The following ARHGAP39 variants were observed in gnomAD, a reference collection of about 807,000 sequenced individuals.
ARHGAP39 encodes the protein rho GTPase-activating protein 39.
A neutral mutation model predicts 106.9 loss-of-function variants in ARHGAP39; 44 were observed. The ratio of observed to expected loss-of-function variants is 0.41; its 90% CI spans 0.32 to 0.53. The LOEUF (loss-of-function observed/expected upper bound fraction) is 0.53, where lower values mean the gene tolerates loss of function less well. ARHGAP39 is among the 20% of genes least tolerant of loss of function. ARHGAP39 has a pLI of 0.21. For missense variants in ARHGAP39, 1,496 were observed against 1,577.3 expected, an observed-to-expected ratio of 0.95 and a Z score of 0.87; for synonymous variants, 768 against 693.2, an observed-to-expected ratio of 1.11 and a Z score of -1.69.
chr8:144,538,189 T>C (rs1586877830), intron 6 of ARHGAP39, among the ~76,000 whole-genome samples: 1 of 152,306 alleles, frequency 6.6e-6, no homozygotes, highest in East Asian at 1.9e-4. Flanking sequence ...TGCCTGCCGG[T>C]CAGAAAACCA....
At chr8:144,600,383 TGCGTGTGTGGAG>T (rs1179317505) in intron 2 of ARHGAP39, among the ~76,000 whole-genome samples, 2 of 150,330 alleles carry the variant, frequency 1.3e-5, no homozygotes, top group African/African-American at 4.9e-5. Flanking sequence ...GGTACCTACC[TGCGTGTGTGGAG>T]GCGTGTGTGT....
chr8:144,619,273 C>T (rs983057467), intron 1 of ARHGAP39, among the ~76,000 whole-genome samples: 2 of 152,256 alleles, frequency 1.3e-5, no homozygotes, highest in African/African-American at 4.8e-5. Context: ...GCTGGCGACG[C>T]CCGCCATAGA....
intron 1 of ARHGAP39, among the ~76,000 whole-genome samples, chr8:144,656,807 CAA>C (rs35058065): frequency 4.5e-4 from 19 of 42,338 alleles, no homozygotes; most frequent in African/African-American, 1.2e-3. Context: ...GACTCCATCT[CAA>C]AAAAAAAAAA....
chr8:144,600,273 T>C (rs1819807601), intron 2 of ARHGAP39, among the ~76,000 whole-genome samples: 1 of 146,692 alleles, frequency 6.8e-6, no homozygotes, highest in Admixed American at 6.8e-5. Flanking sequence ...GGGGTGTCTG[T>C]GTGCTCCTGT....
At chr8:144,541,820 G>A (rs541678781) in intron 6 of ARHGAP39, among the ~76,000 whole-genome samples, 2 of 152,192 alleles carry the variant, frequency 1.3e-5, no homozygotes, top group African/African-American at 4.8e-5. Flanking sequence ...TGAACGAGGT[G>A]TACAAATCAC....
At chr8:144,677,015 G>A (rs530691141) in intron 1 of ARHGAP39, among the ~76,000 whole-genome samples, 4 of 152,236 alleles carry the variant, frequency 2.6e-5, no homozygotes, top group Admixed American at 6.5e-5. Flanking sequence ...TGATCCGCCC[G>A]CCTGGGCCTC....
At chr8:144,550,873 G>A (rs1423648083) in intron 4 of ARHGAP39, among the ~76,000 whole-genome samples, 5 of 152,204 alleles carry the variant, frequency 3.3e-5, no homozygotes, top group Non-Finnish European at 5.9e-5. Flanking sequence ...TCCGGAGTTC[G>A]GGAGATCGGG....
chr8:144,618,141 ATT>A (rs1472849823), intron 1 of ARHGAP39, among the ~76,000 whole-genome samples: 1 of 152,170 alleles, frequency 6.6e-6, no homozygotes, highest in Non-Finnish European at 1.5e-5. Context: ...TTACTGTAAC[ATT>A]TCTCAAAAAA....
chr8:144,616,424 T>C (rs1330788903), intron 1 of ARHGAP39, among the ~76,000 whole-genome samples: 1 of 152,234 alleles, frequency 6.6e-6, no homozygotes, highest in Non-Finnish European at 1.5e-5. Flanking sequence ...GCTTTGTAAA[T>C]GCAGGAAACA....
chr8:144,598,856 T>C (rs993653324), intron 2 of ARHGAP39, among the ~76,000 whole-genome samples: 12 of 152,248 alleles, frequency 7.9e-5, no homozygotes, highest in Admixed American at 3.3e-4. Flanking sequence ...TTCAGACACA[T>C]TTAGTGGAAC....
intron 1 of ARHGAP39, among the ~76,000 whole-genome samples, chr8:144,629,430 G>A (rs1428974194): frequency 6.6e-6 from 1 of 152,222 alleles, no homozygotes; most frequent in Non-Finnish European, 1.5e-5. Context: ...GGGCTTGGCT[G>A]CATGGGCCCT....
At chr8:144,620,621 A>AT (rs1207996975) in intron 1 of ARHGAP39, among the ~76,000 whole-genome samples, 1 of 150,606 alleles carries the variant, frequency 6.6e-6, no homozygotes, top group Non-Finnish European at 1.5e-5. Flanking sequence ...GTGTGAGTGC[A>AT]TGCCCACTGC....
At chr8:144,578,408 T>C (rs935954880) in intron 3 of ARHGAP39, among the ~76,000 whole-genome samples, 3 of 152,182 alleles carry the variant, frequency 2.0e-5, no homozygotes, top group Non-Finnish European at 4.4e-5. Flanking sequence ...TTGGTACTTT[T>C]AGTAGAGACA....
intron 6 of ARHGAP39, among the ~76,000 whole-genome samples, chr8:144,541,971 GTT>G (rs59286612): frequency 2.0e-5 from 3 of 146,932 alleles, no homozygotes; most frequent in African/African-American, 4.9e-5. Flanking sequence ...TCCTTTCTGG[GTT>G]TTTTTTTTTT....
chr8:144,600,097 G>A (rs958643922), intron 2 of ARHGAP39, among the ~76,000 whole-genome samples: 41 of 151,898 alleles, frequency 2.7e-4, no homozygotes, highest in Admixed American at 2.1e-3. Flanking sequence ...GCATGTGTGC[G>A]CACTTGTGTA....
At chr8:144,531,840 C>G (rs374745648) in intron 10 of ARHGAP39, among the ~76,000 whole-genome samples, 4 of 1,476 alleles carry the variant, frequency 2.7e-3, no homozygotes, top group African/African-American at 2.1e-3. Flanking sequence ...CACAGGGCAG[C>G]GAGCAGCAGG....
At chr8:144,694,273 T>G in the ARHGAP39 span, among the ~76,000 whole-genome samples, 4 of 152,142 alleles carry the variant, frequency 2.6e-5, no homozygotes, top group Admixed American at 6.6e-5. Flanking sequence ...GAGGCCAGCC[T>G]TGGTGGTGCA....
intron 1 of ARHGAP39, among the ~76,000 whole-genome samples, chr8:144,637,278 A>G (rs908314971): frequency 6.6e-6 from 1 of 152,104 alleles, no homozygotes; most frequent in African/African-American, 2.4e-5. Context: ...CTTGCAACCC[A>G]TGCTTCTGTT....
At chr8:144,542,056 C>A (rs1817216742) in intron 6 of ARHGAP39, among the ~76,000 whole-genome samples, 1 of 151,790 alleles carries the variant, frequency 6.6e-6, no homozygotes, top group South Asian at 2.1e-4. Context: ...CATGTTCAAT[C>A]CGCCATCTTG....
Sources: allele counts gnomAD v4.1 joint callset (sites outside exome capture counted in the v4.1 genomes callset), GRCh38; gene constraint gnomAD v4.1.1; transcripts MANE v1.5; gene names NCBI Gene and HGNC (gene_info 2026-07-23, HGNC 2026-07-21).